Variants in UNC79 observed in about 807,000 individuals in gnomAD.
UNC79 encodes the protein unc-79 subunit of NALCN channel complex.
In UNC79, 37 loss-of-function variants were observed where a neutral mutation model predicts 283.1. That is an observed-to-expected ratio of 0.13 (90% CI 0.10 to 0.17). The LOEUF is 0.17. Ranked by LOEUF, UNC79 falls within the 10% of genes least tolerant of loss-of-function variation. The pLI is 1.00. For missense variants in UNC79, 2,272 were observed against 3,211.1 expected (o/e 0.71, Z 7.07); for synonymous variants, 1,107 against 1,200.2 (o/e 0.92, Z 1.61).
intron 14 of UNC79, among the ~76,000 whole-genome samples, chr14:93,544,907 A>G (rs1369648592): frequency 6.6e-6 from 1 of 152,166 alleles, no homozygotes; most frequent in Non-Finnish European, 1.5e-5. Context: ...TGTTTGGTGA[A>G]CTTCCTGAGT....
At chr14:93,499,959 A>G (rs773488049) in intron 7 of UNC79, among the ~76,000 whole-genome samples, 48 of 152,214 alleles carry the variant, frequency 3.2e-4, no homozygotes, top group South Asian at 2.3e-3. Context: ...GAATTGGAAA[A>G]AGTCCAATGT....
At chr14:93,606,916 C>T (rs933728506) in intron 26 of UNC79, among the ~76,000 whole-genome samples, 10 of 152,134 alleles carry the variant, frequency 6.6e-5, no homozygotes, top group African/African-American at 2.4e-4. Context: ...TTAACAATCT[C>T]ATTTTATAGA....
Position 93,601,267 on chromosome 14 carries a change from C to A in UNC79, c.3574+497C>A, listed in dbSNP as rs573395304. Among the ~76,000 whole-genome samples, 69 of 149,268 alleles carry A rather than the reference C, an allele frequency of 4.6e-4. No individual in the cohort carries two copies. In the South Asian group the frequency reaches 0.015, roughly 32 times the overall value. The stretch of plus-strand genomic sequence containing the variant: ...CCTCACCCCCCTTCCACCCTTCCCC[C>A]CAAAGTCCCCAAATTCCGTTCTGTC... On this transcript the variant is annotated intron_variant, in intron 25 of 48. Transcript: ENST00000555664.
chr14:93,458,932 T>C (rs1362438318), intron 1 of UNC79, among the ~76,000 whole-genome samples: 1 of 152,214 alleles, frequency 6.6e-6, no homozygotes, highest in East Asian at 1.9e-4. Flanking sequence ...GAAATATTTA[T>C]ATAATGAAGT....
chr14:93,425,570 C>G (rs1179939728), upstream of UNC79, among the ~76,000 whole-genome samples: 1 of 152,032 alleles, frequency 6.6e-6, no homozygotes, highest in African/African-American at 2.4e-5. Flanking sequence ...TGGCAAATAG[C>G]CTCATATATA....
intron 40 of UNC79, among the ~76,000 whole-genome samples, chr14:93,672,577 A>T (rs2072977563): frequency 6.6e-6 from 1 of 152,150 alleles, no homozygotes; most frequent in Admixed American, 6.5e-5. Context: ...AGATAGAAGA[A>T]ATGAGTTCTA....
At chr14:93,645,910 C>T (rs941500927) in intron 34 of UNC79, among the ~76,000 whole-genome samples, 14 of 152,244 alleles carry the variant, frequency 9.2e-5, no homozygotes, top group Non-Finnish European at 1.6e-4. Context: ...CTCACTCTTA[C>T]ACCTGTAGTC....
chr14:93,450,472 TG>T (rs2140167507), intron 1 of UNC79, among the ~76,000 whole-genome samples: 1 of 152,302 alleles, frequency 6.6e-6, no homozygotes, highest in African/African-American at 2.4e-5. Context: ...GATACACAAC[TG>T]GGTGTTCTTT....
intron 14 of UNC79, among the ~76,000 whole-genome samples, chr14:93,568,162 C>T (rs1485245778): frequency 6.6e-6 from 1 of 152,152 alleles, no homozygotes; most frequent in Admixed American, 6.5e-5. Flanking sequence ...TTTCCTTTCA[C>T]ACTTTGTATG....
chr14:93,342,956 A>G (rs1165487295), intron 1 of UNC79, among the ~76,000 whole-genome samples: 3 of 151,634 alleles, frequency 2.0e-5, no homozygotes, highest in African/African-American at 7.2e-5. Flanking sequence ...CATTGTCCAT[A>G]TATCATACTA....
intron 37 of UNC79, among the ~76,000 whole-genome samples, chr14:93,654,581 A>T (rs1290286510): frequency 6.6e-6 from 1 of 150,596 alleles, no homozygotes; most frequent in Non-Finnish European, 1.5e-5. Flanking sequence ...TTTAAATTTT[A>T]AAAATTAACA....
intron 26 of UNC79, 31 bp downstream of exon 26, chr14:93,603,449 ATC>A (rs773098339): frequency 6.2e-7 from 1 of 1,607,748 alleles, no homozygotes; most frequent in Non-Finnish European, 8.5e-7. Flanking sequence ...CTTCCGTTAA[ATC>A]TGTTTAATGT....
chr14:93,479,229 T>TTCCTTCCTTCCTTTCC (rs1426810341), intron 4 of UNC79, among the ~76,000 whole-genome samples: 2 of 111,368 alleles, frequency 1.8e-5, no homozygotes, highest in African/African-American at 7.2e-5. Flanking sequence ...CCTTCCTTCC[T>TTCCTTCCTTCCTTTCC]TTCCTTCCTT....
intron 35 of UNC79, among the ~76,000 whole-genome samples, chr14:93,651,431 G>T (rs779902069): frequency 6.6e-6 from 1 of 152,112 alleles, no homozygotes; most frequent in Non-Finnish European, 1.5e-5. Flanking sequence ...ATTTTCATGA[G>T]ATCTTTAATT....
At chr14:93,377,634 G>A (rs1357652783) in intron 1 of UNC79, among the ~76,000 whole-genome samples, 1 of 152,148 alleles carries the variant, frequency 6.6e-6, no homozygotes, top group Non-Finnish European at 1.5e-5. Flanking sequence ...CTACATTTAG[G>A]ACACATTTTG....
chr14:93,380,087 C>T lies in UNC79; in HGVS notation c.-351+46564C>T, dbSNP rs144196200. ...AGGGTTGATCTGAGGATTAAAGACA[C>T]AACATAAGTAAGGAAGCTGGCACGT... On this transcript the variant is annotated intron_variant, in intron 1 of 49. Transcript: ENST00000256339. Among the ~76,000 whole-genome samples, 85 of 152,134 alleles carry T rather than the reference C, an allele frequency of 5.6e-4. No individual in the cohort carries two copies. In the East Asian group the frequency reaches 0.015, roughly 26 times the overall value.
At chr14:93,499,158 T>TA (rs1328162939) in intron 7 of UNC79, among the ~76,000 whole-genome samples, 1 of 152,128 alleles carries the variant, frequency 6.6e-6, no homozygotes, top group Admixed American at 6.6e-5. Flanking sequence ...GTAACAATAA[T>TA]AAAAACAATG....
At chr14:93,650,662 A>G (rs1324380950) in intron 35 of UNC79, among the ~76,000 whole-genome samples, 3 of 152,254 alleles carry the variant, frequency 2.0e-5, no homozygotes, top group Non-Finnish European at 4.4e-5. Context: ...GCTGAGTTGT[A>G]AGACTTTATA....
At chr14:93,583,317 C>CA (rs112879763) in intron 20 of UNC79, among the ~76,000 whole-genome samples, 3,730 of 124,494 alleles carry the variant, frequency 0.03, 57 homozygotes, top group African/African-American at 0.043. Context: ...AAACTCTGCT[C>CA]AAAAAAAAAA....
Sources: allele counts gnomAD v4.1 joint callset (sites outside exome capture counted in the v4.1 genomes callset), GRCh38; gene constraint gnomAD v4.1.1; transcripts MANE v1.5; gene names NCBI Gene and HGNC (gene_info 2026-07-23, HGNC 2026-07-21).